The following AEBP2 variants were observed in gnomAD, a reference collection of about 807,000 sequenced individuals.
The protein encoded by AEBP2 is AE binding protein 2.
A neutral mutation model predicts 50.8 loss-of-function variants in AEBP2; 10 were observed. That is an observed-to-expected ratio of 0.20 (90% CI 0.12 to 0.33). The LOEUF is 0.33. Among genes scored for constraint, AEBP2 ranks in the 10% least tolerant of loss-of-function variants. The pLI, the probability that AEBP2 is intolerant of heterozygous loss-of-function variation, is 1.00. For missense variants in AEBP2, 570 were observed against 688.0 expected, an observed-to-expected ratio of 0.83 and a Z score of 1.92; for synonymous variants, 296 against 261.3, an observed-to-expected ratio of 1.13 and a Z score of -1.28.
rs562575514 is a variant in AEBP2, at chr12:19,430,040, A to AAG, written c.-17+25825_-17+25826dup. ...CATTGCTTTTGGTGTTTTAGACATG[A>AAG]AGTCCTTGCCCATGCCTATGTCCTG... On this transcript the variant is annotated intron_variant, in intron 1 of 3. Coordinates refer to the AEBP2 transcript ENST00000538425. Among the ~76,000 whole-genome samples the AAG allele has an allele frequency of 5.3e-3, 808 of 152,180 alleles. 6 individuals carry two copies. The highest frequency in any genetic ancestry group is 0.015 in the African/African-American group (633 of 41,524).
upstream of AEBP2, among the ~76,000 whole-genome samples, chr12:19,437,845 A>C (rs1484090849): frequency 3.9e-5 from 6 of 152,214 alleles, 1 homozygote; most frequent in Non-Finnish European, 8.8e-5. Flanking sequence ...CCAAAGGCCT[A>C]AGGCAGAGGA....
intron 1 of AEBP2, chr12:19,456,648 C>T (rs1948274158): frequency 3.9e-6 from 6 of 1,531,828 alleles, no homozygotes; most frequent in African/African-American, 1.4e-5. Flanking sequence ...GTCATCTTTG[C>T]TGTCACCAGC....
chr12:19,427,377 CAAAAAAA>C (rs58310486), intron 1 of AEBP2, among the ~76,000 whole-genome samples: 1 of 69,984 alleles, frequency 1.4e-5, no homozygotes, highest in Admixed American at 1.6e-4. Flanking sequence ...GAGTCTGTCT[CAAAAAAA>C]AAAAAAAAAA....
At chr12:19,492,503 A>G (rs945117021) in intron 3 of AEBP2, among the ~76,000 whole-genome samples, 5 of 152,168 alleles carry the variant, frequency 3.3e-5, no homozygotes, top group African/African-American at 1.2e-4. Flanking sequence ...ACCAACACTG[A>G]GCATGTCTTT....
At chr12:19,494,796 A>C (rs972043512) in intron 4 of AEBP2, among the ~76,000 whole-genome samples, 1 of 152,198 alleles carries the variant, frequency 6.6e-6, no homozygotes, top group African/African-American at 2.4e-5. Flanking sequence ...GATAGAAAAT[A>C]AGTAGATGAT....
chr12:19,437,321 A>G (rs1947869400), upstream of AEBP2, among the ~76,000 whole-genome samples: 1 of 152,154 alleles, frequency 6.6e-6, no homozygotes, highest in Non-Finnish European at 1.5e-5. Context: ...TGTGTCACAT[A>G]AGACTTCCAT....
At position 19,429,490 on chromosome 12, in the gene AEBP2, C is replaced by A. The variant is rs532241636; in HGVS notation, c.-17+25274C>A. Among the ~76,000 whole-genome samples, 798 of 152,250 alleles carry A rather than the reference C, an allele frequency of 5.2e-3. 6 individuals are homozygous for A. Among genetic ancestry groups the A allele is most frequent in the African/African-American group, 0.018 (762 of 41,536 alleles). ...TGATTTATAATCCTTTGGGTATATA[C>A]CCAGTAATGGGATGGCTGGGTCAAA... is the stretch of plus-strand genomic sequence containing the variant. On this transcript the variant is annotated intron_variant, in intron 1 of 3. Transcript: ENST00000538425.
intron 1 of AEBP2, among the ~76,000 whole-genome samples, chr12:19,432,981 G>C (rs1302054954): frequency 1.3e-5 from 2 of 152,070 alleles, no homozygotes; most frequent in African/African-American, 4.8e-5. Context: ...TTATGCAATA[G>C]TGTGTTATTG....
In AEBP2 at chr12:19,439,648, G is replaced by C; in HGVS notation, c.-52G>C. ...AGGGGGGCGAGGGAGAGAGAGTCGA[G>C]AGAGGGAGGCGGCGGTGGGGAGGAG... is the stretch of plus-strand genomic sequence containing the variant. On this transcript the variant is annotated 5_prime_UTR_variant, in exon 1 of 8. Transcript: ENST00000266508. 8.7e-6 allele frequency: 13 copies of C among 1,500,326 alleles called. No homozygotes were observed. The highest frequency in any genetic ancestry group is 1.2e-5 in the South Asian group (1 of 81,040). The allele number at this position is 1,500,326 out of a possible 1,614,324, so 92.9% of individuals were successfully genotyped here.
At chr12:19,497,271 AT>A (rs893839481) in intron 4 of AEBP2, among the ~76,000 whole-genome samples, 1 of 149,546 alleles carries the variant, frequency 6.7e-6, no homozygotes, top group African/African-American at 2.5e-5. Context: ...AAATCATACA[AT>A]ATATGTAATT....
At chr12:19,439,415 G>A (rs1270602646), upstream of AEBP2, among the ~76,000 whole-genome samples, 2 of 149,486 alleles carry the variant, frequency 1.3e-5, no homozygotes, top group African/African-American at 4.9e-5. Context: ...CAGCGGGGCG[G>A]GCGCCGGGCG....
intron 1 of AEBP2, among the ~76,000 whole-genome samples, chr12:19,441,256 A>G (rs1347696054): frequency 6.6e-6 from 1 of 152,206 alleles, no homozygotes; most frequent in Non-Finnish European, 1.5e-5. Context: ...CTGGAGAGTG[A>G]CAAAAATGCG....
chr12:19,415,883 T>A (rs1205650650), intron 1 of AEBP2, among the ~76,000 whole-genome samples: 1 of 152,182 alleles, frequency 6.6e-6, no homozygotes, highest in African/African-American at 2.4e-5. Context: ...CTTTCTGGAA[T>A]CTTGGCTTTT....
intron 2 of AEBP2, among the ~76,000 whole-genome samples, chr12:19,472,242 T>A (rs1040681976): frequency 6.6e-6 from 1 of 152,186 alleles, no homozygotes. Context: ...TCTATATGTA[T>A]GTAGTATATT....
intron 5 of AEBP2, among the ~76,000 whole-genome samples, chr12:19,509,913 G>C (rs2120585249): frequency 7.7e-6 from 1 of 129,454 alleles, no homozygotes; most frequent in South Asian, 2.5e-4. Context: ...GCTCACTGTA[G>C]CTTCCGCTGC....
intron 6 of AEBP2, among the ~76,000 whole-genome samples, chr12:19,513,564 G>T (rs1176132256): frequency 1.3e-5 from 2 of 152,138 alleles, no homozygotes; most frequent in Non-Finnish European, 2.9e-5. Context: ...TTTGAGATCA[G>T]CCTGGGCAGT....
intron 5 of AEBP2, among the ~76,000 whole-genome samples, chr12:19,505,597 T>TGAGTAGGCA (rs900951136): frequency 1.3e-5 from 2 of 152,096 alleles, no homozygotes; most frequent in African/African-American, 4.8e-5. Context: ...GGGACAACAG[T>TGAGTAGGCA]GAGTAGGCAG....
intron 3 of AEBP2, among the ~76,000 whole-genome samples, chr12:19,478,525 G>T (rs1245858514): frequency 6.6e-6 from 1 of 152,048 alleles, no homozygotes; most frequent in Non-Finnish European, 1.5e-5. Context: ...CCTGACCTCA[G>T]GTGATCCACC....
At chr12:19,494,119 A>C in intron 4 of AEBP2, 133 bp downstream of exon 4, 1 of 942,208 alleles carries the variant, frequency 1.1e-6, no homozygotes, top group Non-Finnish European at 1.6e-6. Context: ...CCTGTCTGTC[A>C]GTGAGAGTGA....
Sources: allele counts gnomAD v4.1 joint callset (sites outside exome capture counted in the v4.1 genomes callset), GRCh38; gene constraint gnomAD v4.1.1; transcripts MANE v1.5; gene names NCBI Gene and HGNC (gene_info 2026-07-23, HGNC 2026-07-21).